PTGR2: variants seen among roughly 807,000 people sequenced by gnomAD.
PTGR2 encodes the protein prostaglandin reductase 2.
Under a neutral mutation model 43.4 loss-of-function variants are expected in PTGR2, and 32 were observed. The ratio of observed to expected loss-of-function variants is 0.74; its 90% CI spans 0.56 to 0.99. The LOEUF is 0.99. PTGR2 is among the 50% of genes least tolerant of loss of function. The pLI is 0.00. For synonymous variants in PTGR2, 106 were observed against 139.2 expected (o/e 0.76, Z 1.68); for missense variants, 373 against 420.0 (o/e 0.89, Z 0.98).
intron 2 of PTGR2, among the ~76,000 whole-genome samples, chr14:73,859,615 T>A (rs2054438406): frequency 6.6e-6 from 1 of 152,034 alleles, no homozygotes; most frequent in African/African-American, 2.4e-5. Flanking sequence ...TCTATAATGA[T>A]GACCTTTCCT....
Position 73,851,956 on chromosome 14 carries a change from C to G in PTGR2, c.-48+13C>G, listed in dbSNP as rs538946591. On this transcript the variant is annotated intron_variant, in intron 1 of 9. Coordinates refer to ENST00000555661, the MANE Select transcript of PTGR2 (RefSeq NM_001146154.2). ...CGGGCTCCACAGGGTCAGTGACGCG[C>G]GAGCGGCTCCCGCGACTGTGGCTCC... is the stretch of plus-strand genomic sequence containing the variant. 6.6e-6 allele frequency: 1 copy of G among 152,240 alleles called. No individual in the cohort carries two copies. The highest frequency in any genetic ancestry group is 2.4e-5 in the African/African-American group (1 of 41,448). The allele number at this position is 152,240 out of a possible 1,614,324, so 9.4% of individuals were successfully genotyped here. A position where few individuals can be genotyped will look rare whatever the true frequency, so the allele number is the denominator to read the frequency against.
intron 9 of PTGR2, among the ~76,000 whole-genome samples, chr14:73,883,192 T>C (rs1490179377): frequency 1.6e-4 from 5 of 31,298 alleles, no homozygotes; most frequent in African/African-American, 4.4e-4. Context: ...ACCTCCCTTT[T>C]TTTTTTTTTT....
rs1185722008 is a variant in PTGR2, at chr14:73,871,732, T to G, written c.157-2291T>G. On this transcript the variant is annotated intron_variant, in intron 3 of 9. Coordinates refer to ENST00000555661, the MANE Select transcript of PTGR2 (RefSeq NM_001146154.2). The stretch of plus-strand genomic sequence containing the variant: ...CAGTTGATGTCCTCTGCAGAATTGC[T>G]TGGTTGGTGTATGGGGAAATACCCC... 4.6e-5 allele frequency among the ~76,000 whole-genome samples: 7 copies of G among 152,290 alleles called. No homozygotes were observed. The East Asian group carries it at 1.4e-3, about 29-fold the overall frequency.
chr14:73,871,428 C>CTAT lies in PTGR2; in HGVS notation c.157-2594_157-2592dup, dbSNP rs142824446. Among the ~76,000 whole-genome samples the CTAT allele has an allele frequency of 5.1e-3, 651 of 128,118 alleles. 6 individuals carry two copies. Among genetic ancestry groups the CTAT allele is most frequent in the African/African-American group, 0.019 (633 of 33,684 alleles). The allele number at this position is 128,118 out of a possible 152,430, so 84.1% of individuals were successfully genotyped here. On this transcript the variant is annotated intron_variant, in intron 3 of 9. Coordinates refer to ENST00000555661, the MANE Select transcript of PTGR2 (RefSeq NM_001146154.2). ...TTATTATTTTTATTTGGCTATTCAT[C>CTAT]TATATCCTTTGTAATATCCTTTATA...
At chr14:73,862,498 C>T (rs1025242367) in intron 3 of PTGR2, among the ~76,000 whole-genome samples, 6 of 152,122 alleles carry the variant, frequency 3.9e-5, no homozygotes, top group African/African-American at 9.7e-5. Context: ...TGAGCCACTG[C>T]GCCTGGCCTA....
intron 8 of PTGR2, among the ~76,000 whole-genome samples, chr14:73,881,820 G>T (rs866113665): frequency 1.7e-4 from 17 of 98,964 alleles, no homozygotes; most frequent in African/African-American, 6.9e-4. Flanking sequence ...GTCTCACTTT[G>T]TCACCCAGGC....
chr14:73,870,427 G>A (rs1422946082), intron 3 of PTGR2, among the ~76,000 whole-genome samples: 3 of 151,984 alleles, frequency 2.0e-5, no homozygotes, highest in South Asian at 2.1e-4. Flanking sequence ...TGATCTGCCC[G>A]CCTTGGCCTC....
intron 3 of PTGR2, among the ~76,000 whole-genome samples, chr14:73,862,542 G>A (rs2054517268): frequency 6.6e-6 from 1 of 152,120 alleles, no homozygotes; most frequent in Non-Finnish European, 1.5e-5. Flanking sequence ...TGAAACAGAA[G>A]TATATAAAGT....
rs2055113468 is a variant in PTGR2, at chr14:73,885,631, T to C, written c.*1454T>C. The C allele has an allele frequency of 6.6e-6, 1 of 152,258 alleles. No individual in the cohort carries two copies. The highest frequency in any genetic ancestry group is 1.5e-5 in the Non-Finnish European group (1 of 68,064). The allele number at this position is 152,258 out of a possible 1,614,324, so 9.4% of individuals were successfully genotyped here. ...TCATCGCCTGAGGGGGTTTCACTTT[T>C]CTCTGTATGTTGCTAACTCCCAAAT... On this transcript the variant is annotated 3_prime_UTR_variant, in exon 10 of 10. Coordinates refer to ENST00000555661, the MANE Select transcript of PTGR2 (RefSeq NM_001146154.2).
At chr14:73,881,644 C>T (rs1046747843) in intron 8 of PTGR2, among the ~76,000 whole-genome samples, 6 of 152,242 alleles carry the variant, frequency 3.9e-5, no homozygotes, top group Middle Eastern at 3.4e-3. Context: ...ATAATGTGAG[C>T]ACCTCCTGAT....
chr14:73,870,730 A>G (rs1212532965), intron 3 of PTGR2, among the ~76,000 whole-genome samples: 1 of 152,080 alleles, frequency 6.6e-6, no homozygotes, highest in Non-Finnish European at 1.5e-5. Context: ...GCCTCAAGCG[A>G]TCCTCCTGCC....
intron 3 of PTGR2, among the ~76,000 whole-genome samples, chr14:73,861,984 T>A (rs2054501614): frequency 6.6e-6 from 1 of 151,470 alleles, no homozygotes; most frequent in Non-Finnish European, 1.5e-5. Context: ...TTCAAGTGAT[T>A]CTCCTGGCTC....
At chr14:73,879,801 C>T (rs1342742312) in intron 6 of PTGR2, 4 of 425,006 alleles carry the variant, frequency 9.4e-6, no homozygotes, top group South Asian at 5.3e-5. Flanking sequence ...TACAGTTCTA[C>T]CACTAATAAG....
At chr14:73,874,632 C>T in intron 4 of PTGR2, 2 of 455,632 alleles carry the variant, frequency 4.4e-6, no homozygotes, top group South Asian at 3.1e-5. Flanking sequence ...CTCCTAGGCT[C>T]AAGCAATCCT....
intron 1 of PTGR2, chr14:73,858,592 T>G: frequency 3.3e-6 from 1 of 299,968 alleles, no homozygotes; most frequent in East Asian, 6.2e-5. Flanking sequence ...TTGCCCCACT[T>G]AATCTTCAAT....
chr14:73,856,136 C>G (rs1254460205), intron 1 of PTGR2, among the ~76,000 whole-genome samples: 1 of 152,120 alleles, frequency 6.6e-6, no homozygotes, highest in East Asian at 1.9e-4. Context: ...ATGTCCTAGG[C>G]TTTCACATTC....
Position 73,879,130 on chromosome 14 carries a change from G to C in PTGR2, c.554G>C (p.Gly185Ala). The change falls in exon 6 of 10, where the codon GGA becomes GCA. Residue 185 changes from glycine to alanine, a missense_variant. Physicochemically the swap from Gly to Ala is moderately conservative, Grantham distance 60. Transcript: ENST00000555661. ...GHFLGCSRVV[G>A]ICGTHEKCIL... is the part of the protein sequence containing the mutation. ...TTCTTAGGTTGTTCCAGAGTGGTGG[G>C]AATTTGTGGAACACATGAGAAATGC... 1 of 1,614,072 alleles carries C rather than the reference G, an allele frequency of 6.2e-7. No homozygotes were observed.
chr14:73,854,628 G>C (rs1408473454), intron 1 of PTGR2, among the ~76,000 whole-genome samples: 1 of 152,090 alleles, frequency 6.6e-6, no homozygotes, highest in Non-Finnish European at 1.5e-5. Flanking sequence ...AGTAATTAGA[G>C]GGCAAATATG....
intron 3 of PTGR2, among the ~76,000 whole-genome samples, chr14:73,860,864 A>G (rs2054473351): frequency 6.6e-6 from 1 of 152,150 alleles, no homozygotes. Flanking sequence ...ATAGTAGTAC[A>G]TGTATGTGAT....
Sources: gnomAD v4.1 joint callset for allele counts (sites outside exome capture counted in the v4.1 genomes callset) on GRCh38, gnomAD v4.1.1 for gene constraint, MANE v1.5 for transcripts, NCBI Gene and HGNC (gene_info 2026-07-23, HGNC 2026-07-21) for gene names.